The following SHLD1 variants were observed in gnomAD, a reference collection of about 807,000 sequenced individuals.
SHLD1 encodes shieldin complex subunit 1, also known as RINN1-REV7-interacting novel NHEJ regulator 3.
A neutral mutation model predicts 5.5 loss-of-function variants in SHLD1; 3 were observed. The observed-to-expected ratio is 0.54, with a 90% CI of 0.25 to 1.40. SHLD1 has a LOEUF of 1.40. Ranked by LOEUF, SHLD1 falls within the 40% of genes most tolerant of loss-of-function variation. The pLI, the probability that SHLD1 is intolerant of heterozygous loss-of-function variation, is 0.15. For synonymous variants in SHLD1, 92 were observed against 94.3 expected (o/e 0.98, Z 0.14); for missense variants, 210 against 244.4 (o/e 0.86, Z 0.94).
intron 2 of SHLD1, among the ~76,000 whole-genome samples, chr20:5,779,163 C>T (rs560965432): frequency 1.3e-5 from 2 of 150,664 alleles, no homozygotes; most frequent in Admixed American, 1.3e-4. Context: ...GATGACACTA[C>T]TGCACTCTAG....
intron 2 of SHLD1, among the ~76,000 whole-genome samples, chr20:5,845,031 C>T (rs925734766): frequency 1.3e-5 from 2 of 151,774 alleles, no homozygotes; most frequent in African/African-American, 4.8e-5. Context: ...CTCCTGACCT[C>T]AGGTGATCCA....
chr20:5,809,038 C>T (rs1010644277), intron 2 of SHLD1, among the ~76,000 whole-genome samples: 4 of 152,028 alleles, frequency 2.6e-5, no homozygotes, highest in Non-Finnish European at 5.9e-5. Context: ...AGTTGTGGCA[C>T]ATACCTCATG....
rs538805955 is a variant in SHLD1, at chr20:5,860,007, G to T, written c.179-3017G>T. On this transcript the variant is annotated intron_variant, in intron 2 of 2. Coordinates refer to ENST00000303142, the MANE Select transcript of SHLD1 (RefSeq NM_152504.4). ...TGTTGCTTGGCGTTTTCTATTGTAC[G>T]TGGACAGTTTTGAGGGTTCAACTTT... Among the ~76,000 whole-genome samples the T allele has an allele frequency of 1.2e-4, 18 of 152,206 alleles. No individual in the cohort carries two copies. The Middle Eastern group carries it at 0.01, about 86-fold the overall frequency.
At chr20:5,816,089 G>GAAAAAAAAAAAAAAAAAAAA (rs141881349) in intron 2 of SHLD1, among the ~76,000 whole-genome samples, 1 of 86,300 alleles carries the variant, frequency 1.2e-5, no homozygotes, top group East Asian at 3.2e-4. Flanking sequence ...TCAAAAAAAC[G>GAAAAAAAAAAAAAAAAAAAA]AAAAAAAAAA....
intron 1 of SHLD1, among the ~76,000 whole-genome samples, chr20:5,752,446 GGAAATTTAGGTGTCA>G (rs1057110474): frequency 1.3e-5 from 2 of 150,852 alleles, no homozygotes; most frequent in Non-Finnish European, 3.0e-5. Context: ...GTCTCTTTTT[GGAAATTTAGGTGTCA>G]GAATTAATCT....
At chr20:5,835,336 A>T (rs1015486198) in intron 2 of SHLD1, among the ~76,000 whole-genome samples, 3 of 152,210 alleles carry the variant, frequency 2.0e-5, no homozygotes, top group Non-Finnish European at 4.4e-5. Flanking sequence ...TTCACTAAAA[A>T]ATATCTACCA....
At chr20:5,779,475 G>A (rs538155363) in intron 2 of SHLD1, among the ~76,000 whole-genome samples, 9 of 152,268 alleles carry the variant, frequency 5.9e-5, no homozygotes, top group Non-Finnish European at 1.3e-4. Flanking sequence ...CCCTTCAGGA[G>A]GCTCTTGCCG....
At chr20:5,756,227 G>T (rs996867959) in intron 1 of SHLD1, among the ~76,000 whole-genome samples, 2 of 151,766 alleles carry the variant, frequency 1.3e-5, no homozygotes, top group African/African-American at 4.8e-5. Context: ...AAGGTGGGAG[G>T]ATTGCTTGGG....
chr20:5,829,205 G>C (rs1454696902), intron 2 of SHLD1, among the ~76,000 whole-genome samples: 2 of 152,116 alleles, frequency 1.3e-5, no homozygotes, highest in Non-Finnish European at 1.5e-5. Flanking sequence ...TGAGTTCAGG[G>C]AGTTCTTTTT....
At chr20:5,819,834 A>G (rs2087584682) in intron 2 of SHLD1, among the ~76,000 whole-genome samples, 1 of 152,186 alleles carries the variant, frequency 6.6e-6, no homozygotes, top group South Asian at 2.1e-4. Context: ...AAAAACAACA[A>G]CAATAAAATC....
chr20:5,793,081 T>C (rs2087164905), intron 2 of SHLD1, among the ~76,000 whole-genome samples: 1 of 152,218 alleles, frequency 6.6e-6, no homozygotes, highest in African/African-American at 2.4e-5. Context: ...CAAAGATCAT[T>C]TGAGCATATA....
intron 2 of SHLD1, among the ~76,000 whole-genome samples, chr20:5,834,429 C>A (rs1338097623): frequency 3.3e-5 from 5 of 152,210 alleles, no homozygotes; most frequent in African/African-American, 1.2e-4. Context: ...AGCTGGGTTA[C>A]ATTCTAATTT....
At chr20:5,807,956 G>C (rs571070426) in intron 2 of SHLD1, among the ~76,000 whole-genome samples, 1 of 151,980 alleles carries the variant, frequency 6.6e-6, no homozygotes, top group South Asian at 2.1e-4. Context: ...TTAAAAAATC[G>C]TTATAAAAAT....
intron 2 of SHLD1, among the ~76,000 whole-genome samples, chr20:5,861,574 T>C (rs2088163580): frequency 6.6e-6 from 1 of 152,342 alleles, no homozygotes; most frequent in African/African-American, 2.4e-5. Context: ...TGCTGATAAC[T>C]TCCGGATAAT....
At position 5,849,038 on chromosome 20, in the gene SHLD1, CTTTGTGAGGATGTGGT is replaced by C. The variant is rs2087966491; in HGVS notation, c.179-13980_179-13965del. ...ATATCTTGATATCCACACACTCTCA[CTTTGTGAGGATGTGGT>C]TTTGTCCTTTAAAGGAACAGTTGCA... On this transcript the variant is annotated intron_variant, in intron 2 of 2. Coordinates refer to ENST00000303142, the MANE Select transcript of SHLD1 (RefSeq NM_152504.4). Among the ~76,000 whole-genome samples the C allele has an allele frequency of 1.3e-5, 2 of 152,178 alleles. 1 individual carries two copies. Among genetic ancestry groups the C allele is most frequent in the South Asian group, 4.1e-4 (2 of 4,830 alleles).
chr20:5,851,490 T>C (rs1183911724), intron 2 of SHLD1, among the ~76,000 whole-genome samples: 2 of 146,442 alleles, frequency 1.4e-5, no homozygotes, highest in Non-Finnish European at 3.0e-5. Context: ...GACCCCTGTC[T>C]CCTTAAAAAA....
intron 2 of SHLD1, among the ~76,000 whole-genome samples, chr20:5,852,344 T>C (rs560906261): frequency 1.3e-5 from 2 of 152,312 alleles, no homozygotes; most frequent in African/African-American, 4.8e-5. Context: ...GGCTGACTGC[T>C]GTATTGGACA....
At chr20:5,825,316 G>GA (rs2087653390) in intron 2 of SHLD1, among the ~76,000 whole-genome samples, 1 of 152,168 alleles carries the variant, frequency 6.6e-6, no homozygotes, top group Admixed American at 6.5e-5. Context: ...AGCTGTTATT[G>GA]AATGCCCACT....
In SHLD1 at chr20:5,800,043, T is replaced by C. The variant is rs149142895; in HGVS notation, c.178+27000T>C. Among the ~76,000 whole-genome samples, 1,038 of 152,242 alleles carry C rather than the reference T, an allele frequency of 6.8e-3. 5 individuals are homozygous for C. Among genetic ancestry groups the C allele is most frequent in the Non-Finnish European group, 9.9e-3 (673 of 68,026 alleles). ...GTGATTTTGTCCTTCAGGGGGTATT[T>C]GGCAATGTCTGGAGACATTTTTGGT... On this transcript the variant is annotated intron_variant, in intron 2 of 2. Transcript: ENST00000303142.
Sources: allele counts gnomAD v4.1 joint callset (sites outside exome capture counted in the v4.1 genomes callset), GRCh38; gene constraint gnomAD v4.1.1; transcripts MANE v1.5; gene names NCBI Gene and HGNC (gene_info 2026-07-23, HGNC 2026-07-21).